Variants in ZNF827 observed in about 807,000 individuals in gnomAD.
ZNF827 encodes the protein zinc finger protein 827.
In ZNF827, 13 loss-of-function variants were observed where a neutral mutation model predicts 102.4. The observed-to-expected ratio is 0.13, with a 90% CI of 0.08 to 0.20. The LOEUF (loss-of-function observed/expected upper bound fraction) is 0.20, where lower values mean the gene tolerates loss of function less well. ZNF827 is among the 10% of genes least tolerant of loss of function. ZNF827 has a pLI of 1.00. For synonymous variants in ZNF827, 523 were observed against 536.2 expected, an observed-to-expected ratio of 0.98 and a Z score of 0.34; for missense variants, 1,103 against 1,344.4, an observed-to-expected ratio of 0.82 and a Z score of 2.81.
intron 8 of ZNF827, among the ~76,000 whole-genome samples, chr4:145,810,067 T>C (rs897433485): frequency 6.6e-6 from 1 of 152,242 alleles, no homozygotes; most frequent in Non-Finnish European, 1.5e-5. Context: ...TCATAAAATA[T>C]AAGTATAAAT....
intron 8 of ZNF827, among the ~76,000 whole-genome samples, chr4:145,818,403 G>A (rs1579278031): frequency 6.6e-6 from 1 of 152,198 alleles, no homozygotes; most frequent in East Asian, 1.9e-4. Flanking sequence ...GTCTCAATGA[G>A]TTGTTTCCAG....
intron 1 of ZNF827, among the ~76,000 whole-genome samples, chr4:145,927,894 T>C (rs1243007198): frequency 6.6e-6 from 1 of 152,228 alleles, no homozygotes; most frequent in African/African-American, 2.4e-5. Context: ...AATGTACTGT[T>C]TTCCGTTTTA....
At chr4:145,854,398 C>T (rs1746861372) in intron 5 of ZNF827, among the ~76,000 whole-genome samples, 1 of 151,762 alleles carries the variant, frequency 6.6e-6, no homozygotes, top group Non-Finnish European at 1.5e-5. Context: ...TGTTACCTAC[C>T]CTTAAGAGGA....
In ZNF827 at chr4:145,763,570, A is replaced by G. The variant is rs1734838287; in HGVS notation, c.3231-448T>C. Among the ~76,000 whole-genome samples the G allele has an allele frequency of 6.6e-6, 1 of 152,170 alleles. No individual in the cohort carries two copies. Among genetic ancestry groups the G allele is most frequent in the Admixed American group, 6.5e-5 (1 of 15,282 alleles). On this transcript the variant is annotated intron_variant, in intron 13 of 14. Transcript: ENST00000508784. The surrounding 1 kb of genome is among the most constrained non-coding windows in gnomAD (Gnocchi z 4.6). ...TCCCCAATGGCTTCAGAGGCTGGGG[A>G]CTTTGGAGGTCCCTGAGGAAAGGCG... is the stretch of plus-strand genomic sequence containing the variant.
chr4:145,820,964 C>A (rs1376752929), intron 8 of ZNF827, among the ~76,000 whole-genome samples: 1 of 152,178 alleles, frequency 6.6e-6, no homozygotes, highest in Non-Finnish European at 1.5e-5. Flanking sequence ...CTGCATTTAG[C>A]AGATTACTAA....
chr4:145,902,071 CAG>C lies in ZNF827; in HGVS notation c.1093+93_1093+94del. The C allele has an allele frequency of 6.8e-7, 1 of 1,460,688 alleles. No homozygotes were observed. The highest frequency in any genetic ancestry group is 9.1e-7 in the Non-Finnish European group (1 of 1,094,886). 90.5% of individuals were successfully genotyped at this position (1,460,688 alleles called of 1,614,324 possible). On this transcript the variant is annotated intron_variant, in intron 2 of 14. Coordinates refer to ENST00000508784, the MANE Select transcript of ZNF827 (RefSeq NM_001306215.2). The surrounding 1 kb of genome is among the most constrained non-coding windows in gnomAD (Gnocchi z 4.3). ...TTGCTTTTTTATTCCTGCCTCAGAT[CAG>C]ATGGGGAACCCAACTGAAAAAAGCA...
chr4:145,841,537 C>T (rs1745417812), intron 7 of ZNF827, among the ~76,000 whole-genome samples: 1 of 152,212 alleles, frequency 6.6e-6, no homozygotes, highest in East Asian at 1.9e-4. Context: ...ACTCTCTCCT[C>T]ATCTCATTTG....
At chr4:145,787,289 C>G (rs982690696) in intron 8 of ZNF827, among the ~76,000 whole-genome samples, 2 of 152,008 alleles carry the variant, frequency 1.3e-5, no homozygotes, top group Admixed American at 1.3e-4. Flanking sequence ...ATAGTGACAC[C>G]CCGTCTCTAC....
chr4:145,892,234 G>A lies in ZNF827; in HGVS notation c.1266+9C>T, dbSNP rs778676126. The A allele has an allele frequency of 5.6e-6, 9 of 1,601,710 alleles. No homozygotes were observed. The highest frequency in any genetic ancestry group is 7.7e-6 in the Non-Finnish European group (9 of 1,171,394). On this transcript the variant is annotated intron_variant, in intron 3 of 14. Coordinates refer to ENST00000508784, the MANE Select transcript of ZNF827 (RefSeq NM_001306215.2). ...CCTCTCCAGGAGGTGCAGTCGGTAG[G>A]TGGCTTACCTTCATGTGGGATTTGA... is the stretch of plus-strand genomic sequence containing the variant.
intron 1 of ZNF827, among the ~76,000 whole-genome samples, chr4:145,908,960 T>C (rs557992707): frequency 6.6e-6 from 1 of 152,336 alleles, no homozygotes; most frequent in Admixed American, 6.5e-5. Flanking sequence ...CAAAAATTCA[T>C]TAACAAGCAG....
chr4:145,923,751 T>C (rs1243661316), intron 1 of ZNF827, among the ~76,000 whole-genome samples: 1 of 152,246 alleles, frequency 6.6e-6, no homozygotes, highest in Non-Finnish European at 1.5e-5. Flanking sequence ...ATATGCTATT[T>C]ATAGTTAACA....
At chr4:145,817,942 T>G (rs1190195358) in intron 8 of ZNF827, among the ~76,000 whole-genome samples, 2 of 152,192 alleles carry the variant, frequency 1.3e-5, no homozygotes, top group African/African-American at 2.4e-5. Context: ...TAAAAACTAC[T>G]GACATCCTAA....
intron 1 of ZNF827, among the ~76,000 whole-genome samples, chr4:145,922,681 A>C (rs1397837001): frequency 6.6e-6 from 1 of 152,246 alleles, no homozygotes; most frequent in Non-Finnish European, 1.5e-5. Flanking sequence ...TGTCTCAAGG[A>C]AAAGGACATG....
intron 2 of ZNF827, among the ~76,000 whole-genome samples, chr4:145,893,473 G>A (rs1015467987): frequency 6.6e-6 from 1 of 152,270 alleles, no homozygotes; most frequent in African/African-American, 2.4e-5. Context: ...ATCTACAGAC[G>A]ATGATATAAA....
intron 1 of ZNF827, among the ~76,000 whole-genome samples, chr4:145,910,963 G>T (rs1032791656): frequency 3.3e-5 from 5 of 152,194 alleles, no homozygotes; most frequent in African/African-American, 9.7e-5. Context: ...CGGCATTTAG[G>T]TTGGTACTGA....
chr4:145,806,108 G>A (rs1741408147), intron 8 of ZNF827, among the ~76,000 whole-genome samples: 2 of 151,116 alleles, frequency 1.3e-5, no homozygotes, highest in Non-Finnish European at 2.9e-5. Context: ...GAAGTACCTG[G>A]CATACAAAAG....
rs561880466 is a variant in ZNF827, at chr4:145,760,662, C to T, written c.*954G>A. ...TACAGTACACATGTTCCAGACCCAT[C>T]GGGGTCTGTAGGTTTTGCAGCAACA... is the stretch of plus-strand genomic sequence containing the variant. On this transcript the variant is annotated 3_prime_UTR_variant, in exon 15 of 15. Transcript: ENST00000508784. The T allele has an allele frequency of 9.5e-5, 61 of 641,988 alleles. No individual in the cohort carries two copies. Among genetic ancestry groups the T allele is most frequent in the East Asian group, 5.6e-4 (6 of 10,782 alleles). 39.8% of individuals were successfully genotyped at this position (641,988 alleles called of 1,614,324 possible).
chr4:145,828,863 ATAG>A (rs926180238), intron 7 of ZNF827, among the ~76,000 whole-genome samples: 18 of 152,194 alleles, frequency 1.2e-4, no homozygotes, highest in African/African-American at 4.3e-4. Flanking sequence ...ATGGCTCTAA[ATAG>A]TGATACATTT....
chr4:145,917,400 G>A (rs752887322), intron 1 of ZNF827, among the ~76,000 whole-genome samples: 5 of 152,098 alleles, frequency 3.3e-5, no homozygotes, highest in Non-Finnish European at 5.9e-5. Flanking sequence ...CATAGTTGAA[G>A]GTATCACTTG....
Sources: gnomAD v4.1 joint callset for allele counts (sites outside exome capture counted in the v4.1 genomes callset) on GRCh38, gnomAD v4.1.1 for gene constraint, Gnocchi (gnomAD v3.1) non-coding constraint, MANE v1.5 for transcripts, NCBI Gene and HGNC (gene_info 2026-07-23, HGNC 2026-07-21) for gene names.